GPA33: variants seen among roughly 807,000 people sequenced by gnomAD.
The protein encoded by GPA33 is cell surface A33 antigen.
GPA33 carries 27 observed loss-of-function variants against 35.6 expected under a neutral mutation model. That is an observed-to-expected ratio of 0.76 (90% CI 0.56 to 1.04). The LOEUF (loss-of-function observed/expected upper bound fraction) is 1.04. GPA33 is among the 50% of genes least tolerant of loss of function. GPA33 has a pLI of 0.00. For missense variants in GPA33, 428 were observed against 411.9 expected, an observed-to-expected ratio of 1.04 and a Z score of -0.34; for synonymous variants, 176 against 164.0, an observed-to-expected ratio of 1.07 and a Z score of -0.56.
chr1:167,068,666 A>T (rs551275139), intron 3 of GPA33, among the ~76,000 whole-genome samples: 136 of 152,330 alleles, frequency 8.9e-4, no homozygotes, highest in Non-Finnish European at 5.9e-4. Flanking sequence ...GGAGGAAAGG[A>T]CACCGACAGA....
At position 167,055,711 on chromosome 1, in the gene GPA33, C is replaced by G. The variant is rs1231492769; in HGVS notation, c.691+19G>C. On this transcript the variant is annotated intron_variant, in intron 5 of 6. Transcript: ENST00000367868. Reference sequence around the variant, plus strand: ...ATCCTGTGGCGTTTGTCAGCCCTCCCCCCGCAGGCTGCTCTTACGAGATCT... The same window carrying G: ...ATCCTGTGGCGTTTGTCAGCCCTCCGCCCGCAGGCTGCTCTTACGAGATCT... 1 of 1,613,216 alleles carries G rather than the reference C, an allele frequency of 6.2e-7. No individual in the cohort carries two copies. Among genetic ancestry groups the G allele is most frequent in the South Asian group, 1.1e-5 (1 of 91,020 alleles).
rs1666234947 is a variant in GPA33, at chr1:167,055,822, T to C, written c.599A>G (p.Asn200Ser). 1 of 1,613,774 alleles carries C rather than the reference T, an allele frequency of 6.2e-7. No homozygotes were observed. The highest frequency in any genetic ancestry group is 8.5e-7 in the Non-Finnish European group (1 of 1,179,904). ...PASGQPVSLK[N>S]ISTDTSGYYI... is the part of the protein sequence containing the mutation. ...GTAACCCGATGTGTCTGTGGAGATA[T>C]TCTTCAGGGAGACAGGCTGACCTGA... The change falls in exon 5 of 7, where the codon AAT becomes AGT. Residue 200 changes from asparagine (N) to serine (S), a missense_variant. By Grantham distance (46) the Asn-to-Ser change is conservative. Transcript: ENST00000367868.
intron 2 of GPA33, among the ~76,000 whole-genome samples, chr1:167,070,772 G>C (rs908490366): frequency 1.3e-5 from 2 of 152,180 alleles, no homozygotes; most frequent in African/African-American, 4.8e-5. Flanking sequence ...TGGAAAGAAT[G>C]AAATGAATTT....
intron 4 of GPA33, among the ~76,000 whole-genome samples, chr1:167,063,265 TA>T (rs1175268187): frequency 6.6e-6 from 1 of 152,074 alleles, no homozygotes; most frequent in Non-Finnish European, 1.5e-5. Flanking sequence ...CCGTCTCTAC[TA>T]AAAATAGTGG....
chr1:167,063,260 T>C (rs532916840), intron 4 of GPA33, among the ~76,000 whole-genome samples: 184 of 152,250 alleles, frequency 1.2e-3, no homozygotes, highest in African/African-American at 4.1e-3. Flanking sequence ...AAACCCCGTC[T>C]CTACTAAAAA....
chr1:167,064,660 G>A (rs908375687), intron 3 of GPA33, among the ~76,000 whole-genome samples: 1 of 152,170 alleles, frequency 6.6e-6, no homozygotes, highest in Admixed American at 6.5e-5. Context: ...ACAGTCTGTG[G>A]GCTGGATTTG....
intron 4 of GPA33, among the ~76,000 whole-genome samples, chr1:167,056,619 G>GTT (rs1327564341): frequency 6.3e-5 from 6 of 94,704 alleles, no homozygotes; most frequent in Non-Finnish European, 9.5e-5. Context: ...TAGTGTGTGT[G>GTT]GTGAGTGTGT....
rs1313742296 is a variant in GPA33, at chr1:167,073,542, G to A, written c.44-3C>T. 2 of 1,613,014 alleles carry A rather than the reference G, an allele frequency of 1.2e-6. No individual in the cohort carries two copies. Among genetic ancestry groups the A allele is most frequent in the Non-Finnish European group, 1.7e-6 (2 of 1,179,298 alleles). On this transcript the variant is annotated splice_region_variant and splice_polypyrimidine_tract_variant and intron_variant, in intron 1 of 6. Coordinates refer to ENST00000367868, the MANE Select transcript of GPA33 (RefSeq NM_005814.3). ...GATGGCATCGACGGTCACCCTGACTGGAAAGAAAGTAGGCAGTGGAAGGGA... is the reference window on the plus strand; with the variant it reads ...GATGGCATCGACGGTCACCCTGACTAGAAAGAAAGTAGGCAGTGGAAGGGA...
chr1:167,082,914 C>T (rs577839471), intron 1 of GPA33, among the ~76,000 whole-genome samples: 2 of 152,028 alleles, frequency 1.3e-5, no homozygotes, highest in African/African-American at 2.4e-5. Context: ...AGGAAGGAGG[C>T]GGGTTCCAAG....
In GPA33 at chr1:167,063,652, G is replaced by A; in HGVS notation, c.501C>T (p.Gly167=). Residue 167 remains glycine (G), a synonymous_variant, in exon 4 of 7, where the codon GGC becomes GGT. Coordinates refer to ENST00000367868, the MANE Select transcript of GPA33 (RefSeq NM_005814.3). ...NIQLTCQSKE[G]SPTPQYSWKR... Reference sequence around the variant, plus strand: ...TCCAGCTGTACTGAGGGGTTGGTGAGCCCTCCTTTGATTGGCAGGTCAGCT... The same window carrying A: ...TCCAGCTGTACTGAGGGGTTGGTGAACCCTCCTTTGATTGGCAGGTCAGCT... 7 of 1,613,570 alleles carry A rather than the reference G, an allele frequency of 4.3e-6. No individual in the cohort carries two copies. The highest frequency in any genetic ancestry group is 1.7e-6 in the Non-Finnish European group (2 of 1,179,788).
chr1:167,084,869 A>G (rs1302241845), intron 1 of GPA33, among the ~76,000 whole-genome samples: 2 of 152,242 alleles, frequency 1.3e-5, no homozygotes. Context: ...GGAGTGGTTT[A>G]TTACACAGCA....
At position 167,055,857 on chromosome 1, in the gene GPA33, GGAA is replaced by G; in HGVS notation, c.572-11_572-9del. 1 of 1,613,846 alleles carries G rather than the reference GGAA, an allele frequency of 6.2e-7. No individual in the cohort carries two copies. Among genetic ancestry groups the G allele is most frequent in the Non-Finnish European group, 8.5e-7 (1 of 1,179,822 alleles). On this transcript the variant is annotated splice_polypyrimidine_tract_variant and intron_variant, in intron 4 of 6. Coordinates refer to ENST00000367868, the MANE Select transcript of GPA33 (RefSeq NM_005814.3). ...AGACAGGCTGACCTGAGGCTGCAGGGGAAGAAGAGTCAGGGTGAAGAGAGGCAC... is the reference window on the plus strand; with the variant it reads ...AGACAGGCTGACCTGAGGCTGCAGGGGAAGAGTCAGGGTGAAGAGAGGCAC...
At chr1:167,069,844 G>T (rs1436363098) in intron 2 of GPA33, among the ~76,000 whole-genome samples, 2 of 152,198 alleles carry the variant, frequency 1.3e-5, no homozygotes, top group African/African-American at 4.8e-5. Context: ...AGCAGTTAGG[G>T]CATTATGTGA....
intron 3 of GPA33, among the ~76,000 whole-genome samples, chr1:167,064,821 C>T (rs933786989): frequency 8.5e-5 from 13 of 152,096 alleles, no homozygotes; most frequent in African/African-American, 3.1e-4. Context: ...TGGGCGGAAG[C>T]AGTTGCCATA....
intron 1 of GPA33, among the ~76,000 whole-genome samples, chr1:167,081,709 C>T (rs936768458): frequency 1.4e-4 from 21 of 152,334 alleles, no homozygotes; most frequent in African/African-American, 3.1e-4. Context: ...CGAGCCACTT[C>T]GGGCAGATGT....
chr1:167,081,494 G>C (rs1027919143), intron 1 of GPA33, among the ~76,000 whole-genome samples: 13 of 152,236 alleles, frequency 8.5e-5, no homozygotes, highest in Non-Finnish European at 1.9e-4. Flanking sequence ...GAGGCAGGGA[G>C]GGAGGTGGTT....
In GPA33 at chr1:167,055,780, C is replaced by T. The variant is rs1235977692; in HGVS notation, c.641G>A (p.Ser214Asn). 9 of 1,613,668 alleles carry T rather than the reference C, an allele frequency of 5.6e-6. No individual in the cohort carries two copies. The highest frequency in any genetic ancestry group is 3.3e-5 in the Admixed American group (2 of 60,014). The change falls in exon 5 of 7, where the codon AGC (serine) becomes AAC (asparagine). Residue 214 changes from serine (S) to asparagine (N), a missense_variant. Ser to Asn is a conservative substitution (Grantham distance 46, BLOSUM62 1). Coordinates refer to ENST00000367868, the MANE Select transcript of GPA33 (RefSeq NM_005814.3). ...GCAGAACTGCGTCCCCTCCTCATTG[C>T]TGGAGGTACAGATGTAGTAACCCGA... ...DTSGYYICTS[S>N]NEEGTQFCNI...
intron 1 of GPA33, among the ~76,000 whole-genome samples, chr1:167,079,604 G>A (rs1666886346): frequency 6.6e-6 from 1 of 152,166 alleles, no homozygotes; most frequent in African/African-American, 2.4e-5. Context: ...TGTGCCCTGA[G>A]GCACACTTAC....
At position 167,068,918 on chromosome 1, in the gene GPA33, T is replaced by A. The variant is rs746016975; in HGVS notation, c.415+4A>T. The A allele has an allele frequency of 6.2e-7, 1 of 1,609,212 alleles. No homozygotes were observed. Among genetic ancestry groups the A allele is most frequent in the South Asian group, 1.1e-5 (1 of 90,898 alleles). Reference sequence around the variant, plus strand: ...CAACTCCTGAAAGACATGAAGACACTCACCGAGGACCAACAGGCGGACACG... The same window carrying A: ...CAACTCCTGAAAGACATGAAGACACACACCGAGGACCAACAGGCGGACACG... On this transcript the variant is annotated splice_donor_region_variant and intron_variant, in intron 3 of 6. Coordinates refer to ENST00000367868, the MANE Select transcript of GPA33 (RefSeq NM_005814.3).
Sources: gnomAD v4.1 joint callset for allele counts (sites outside exome capture counted in the v4.1 genomes callset) on GRCh38, gnomAD v4.1.1 for gene constraint, MANE v1.5 for transcripts, NCBI Gene and HGNC (gene_info 2026-07-23, HGNC 2026-07-21) for gene names.